DRG1: variants seen among roughly 807,000 people sequenced by gnomAD.
DRG1 encodes the protein developmentally-regulated GTP-binding protein 1.
A neutral mutation model predicts 38.8 loss-of-function variants in DRG1; 19 were observed. The ratio of observed to expected loss-of-function variants is 0.49; its 90% confidence interval spans 0.34 to 0.72. The LOEUF is 0.72. DRG1 is among the 30% of genes least tolerant of loss of function. The pLI is 0.01. For synonymous variants in DRG1, 167 were observed against 157.5 expected (o/e 1.06, Z -0.45); for missense variants, 299 against 444.8 (o/e 0.67, Z 2.95).
chr22:31,424,561 C>G (rs1601533497), intron 6 of DRG1, among the ~76,000 whole-genome samples: 1 of 135,720 alleles, frequency 7.4e-6, no homozygotes, highest in African/African-American at 2.7e-5. Flanking sequence ...TACAGTGGCG[C>G]GATCTTGGCT....
rs71202078 is a variant in DRG1 at position 31,424,811 on chromosome 22, C to CGCT, written c.713+1401_713+1402insGCT. On this transcript the variant is annotated intron_variant, in intron 6 of 8. Coordinates refer to ENST00000331457, the MANE Select transcript of DRG1 (RefSeq NM_004147.4). The stretch of plus-strand genomic sequence containing the variant: ...TGTGCCCGGCACCCGCCCCCCCCCC[C>CGCT]TTTTTTTTTTTTTTGGAGTCTTGCT... Among the ~76,000 whole-genome samples the CGCT allele has an allele frequency of 6.5e-3, 239 of 36,622 alleles. 15 individuals carry two copies. Among genetic ancestry groups the CGCT allele is most frequent in the Middle Eastern group, 0.023 (1 of 44 alleles). The allele number at this position is 36,622 out of a possible 152,430, so 24.0% of individuals were successfully genotyped here.
chr22:31,423,479 T>C (rs1010615807), intron 6 of DRG1, 69 bp downstream of exon 6: 8 of 1,565,168 alleles, frequency 5.1e-6, no homozygotes, highest in Admixed American at 1.8e-5. Flanking sequence ...GTATTGGATC[T>C]TGAATCTGGC....
rs746069359 is a variant in DRG1, at chr22:31,423,419, T to G, written c.713+9T>G. The G allele has an allele frequency of 6.2e-7, 1 of 1,614,024 alleles. No individual in the cohort carries two copies. The highest frequency in any genetic ancestry group is 1.1e-5 in the South Asian group (1 of 91,084). ...GTGGTGGAAGGAAACAGGTACTGACTGAGTGTGCAGTCTGTGCCTGACTGA... is the reference window on the plus strand; with the variant it reads ...GTGGTGGAAGGAAACAGGTACTGACGGAGTGTGCAGTCTGTGCCTGACTGA... On this transcript the variant is annotated intron_variant, in intron 6 of 8. Coordinates refer to ENST00000331457, the MANE Select transcript of DRG1 (RefSeq NM_004147.4).
At chr22:31,406,890 T>A (rs1288835170) in intron 3 of DRG1, among the ~76,000 whole-genome samples, 6 of 152,202 alleles carry the variant, frequency 3.9e-5, no homozygotes, top group African/African-American at 1.4e-4. Context: ...TTATCTAGGA[T>A]CATCCCATGA....
At chr22:31,408,890 AACTGTTTTG>A (rs756927305) in intron 3 of DRG1, among the ~76,000 whole-genome samples, 32 of 151,692 alleles carry the variant, frequency 2.1e-4, no homozygotes, top group Non-Finnish European at 3.5e-4. Flanking sequence ...TATTTGTTTT[AACTGTTTTG>A]ACTGATTCTT....
At chr22:31,422,036 A>G (rs1368183210) in intron 5 of DRG1, among the ~76,000 whole-genome samples, 1 of 151,884 alleles carries the variant, frequency 6.6e-6, no homozygotes, top group African/African-American at 2.4e-5. Context: ...AATCGAACCC[A>G]AGAGGTGGAG....
chr22:31,406,383 C>G (rs1475227918), intron 3 of DRG1, among the ~76,000 whole-genome samples: 1 of 152,174 alleles, frequency 6.6e-6, no homozygotes, highest in African/African-American at 2.4e-5. Context: ...TATAAATGCA[C>G]TTTCTTTTCC....
At chr22:31,413,701 C>T (rs747792710) in intron 4 of DRG1, among the ~76,000 whole-genome samples, 17 of 140,792 alleles carry the variant, frequency 1.2e-4, no homozygotes, top group Non-Finnish European at 2.4e-4. Context: ...GCAATATCTG[C>T]CTCCCGGTTT....
At chr22:31,426,267 C>T (rs1324929509) in intron 6 of DRG1, among the ~76,000 whole-genome samples, 1 of 152,088 alleles carries the variant, frequency 6.6e-6, no homozygotes, top group East Asian at 1.9e-4. Flanking sequence ...CCCTCCGTGT[C>T]TGTGGGTTTT....
At chr22:31,409,989 C>T (rs1196615153) in intron 3 of DRG1, among the ~76,000 whole-genome samples, 2 of 151,938 alleles carry the variant, frequency 1.3e-5, no homozygotes, top group African/African-American at 4.8e-5. Context: ...AGTGAGACTC[C>T]GTCTTTTAAA....
rs746110058 is a variant in DRG1 at position 31,430,823 on chromosome 22, ATCC to A, written c.1005-3044_1005-3042del. ...AGTCTCGACTTCCCAGGCTCAAGCG[ATCC>A]TCCTACCTCAGTTTCTGAATAGCTG... On this transcript the variant is annotated intron_variant, in intron 8 of 8. Coordinates refer to ENST00000331457, the MANE Select transcript of DRG1 (RefSeq NM_004147.4). Among the ~76,000 whole-genome samples, 86 of 151,844 alleles carry A rather than the reference ATCC, an allele frequency of 5.7e-4. No homozygotes were observed. The Middle Eastern group carries it at 0.024, about 42-fold the overall frequency.
intron 8 of DRG1, among the ~76,000 whole-genome samples, chr22:31,430,409 T>C (rs910973359): frequency 2.0e-5 from 3 of 151,448 alleles, no homozygotes; most frequent in African/African-American, 7.3e-5. Context: ...TTTTTTTTTT[T>C]CTTTTTTTGA....
At chr22:31,430,410 C>CT (rs2050132411) in intron 8 of DRG1, among the ~76,000 whole-genome samples, 1 of 105,838 alleles carries the variant, frequency 9.4e-6, no homozygotes, top group Non-Finnish European at 2.1e-5. Context: ...TTTTTTTTTT[C>CT]TTTTTTTGAG....
intron 4 of DRG1, among the ~76,000 whole-genome samples, chr22:31,419,683 T>C (rs1051292564): frequency 6.6e-6 from 1 of 152,124 alleles, no homozygotes; most frequent in Non-Finnish European, 1.5e-5. Flanking sequence ...ACATTTGTTA[T>C]TGAACTGTGT....
At chr22:31,408,412 G>A (rs1371636803) in intron 3 of DRG1, among the ~76,000 whole-genome samples, 1 of 151,066 alleles carries the variant, frequency 6.6e-6, no homozygotes, top group East Asian at 2.1e-4. Context: ...CCAAAGTACT[G>A]GGATTACAGG....
chr22:31,425,130 GT>G (rs2050102665), intron 6 of DRG1, among the ~76,000 whole-genome samples: 1 of 152,048 alleles, frequency 6.6e-6, no homozygotes, highest in African/African-American at 2.4e-5. Context: ...TGAGGGATTA[GT>G]TTTTATTTCT....
chr22:31,409,091 T>G (rs2145860953), intron 3 of DRG1, among the ~76,000 whole-genome samples: 1 of 152,146 alleles, frequency 6.6e-6, no homozygotes, highest in South Asian at 2.1e-4. Flanking sequence ...TAAAATTTAT[T>G]TATTTATTTT....
rs1041716685 is a variant in DRG1 at position 31,418,975 on chromosome 22, C to T, written c.413-1281C>T. 3.9e-5 allele frequency among the ~76,000 whole-genome samples: 6 copies of T among 151,908 alleles called. No homozygotes were observed. In the South Asian group the frequency reaches 6.2e-4, roughly 16 times the overall value. ...GGATTACAGGCGTGAGCCACTGCGC[C>T]GGCCAGTTTTTCTATTTTTAGCAGA... is the stretch of plus-strand genomic sequence containing the variant. On this transcript the variant is annotated intron_variant, in intron 4 of 8. Transcript: ENST00000331457.
chr22:31,418,734 T>C (rs1338122567), intron 4 of DRG1, among the ~76,000 whole-genome samples: 1 of 152,120 alleles, frequency 6.6e-6, no homozygotes, highest in East Asian at 1.9e-4. Flanking sequence ...CAGGCTGGAG[T>C]GCAGTGGCGC....
Sources: allele counts gnomAD v4.1 joint callset (sites outside exome capture counted in the v4.1 genomes callset), GRCh38; gene constraint gnomAD v4.1.1; transcripts MANE v1.5; gene names NCBI Gene and HGNC (gene_info 2026-07-23, HGNC 2026-07-21).